Variants in TVP23A observed in about 807,000 individuals in gnomAD.
The protein encoded by TVP23A is trans-golgi network vesicle protein 23 homolog A.
In TVP23A, 21 loss-of-function variants were observed where a neutral mutation model predicts 31.7. The observed-to-expected ratio is 0.66, with a 90% confidence interval of 0.47 to 0.95. The LOEUF (loss-of-function observed/expected upper bound fraction) is 0.95. TVP23A is among the 40% of genes least tolerant of loss of function. The pLI is 0.00. For missense variants in TVP23A, 279 were observed against 255.6 expected (o/e 1.09, Z -0.62); for synonymous variants, 104 against 96.0 (o/e 1.08, Z -0.49).
intron 2 of TVP23A, among the ~76,000 whole-genome samples, chr16:10,783,291 T>C (rs1020990839): frequency 6.6e-6 from 1 of 152,212 alleles, no homozygotes; most frequent in South Asian, 2.1e-4. Flanking sequence ...TTTACCGAAG[T>C]GAGCTGAAAA....
In TVP23A at chr16:10,818,157, A is replaced by G. The variant is rs368680427; in HGVS notation, c.35T>C (p.Val12Ala). ...CTCCTCGTTTCCAAAGTCCAGGGACACATCCTCGGTATCGTCCACCAGGGC... is the reference window on the plus strand; with the variant it reads ...CTCCTCGTTTCCAAAGTCCAGGGACGCATCCTCGGTATCGTCCACCAGGGC... ...KQALVDDTEDVSLDFGNEEEL... is the reference protein window; with the variant it reads ...KQALVDDTEDASLDFGNEEEL... Residue 12 changes from valine to alanine, a missense_variant, in exon 2 of 8, where the codon GTG becomes GCG. Coordinates refer to ENST00000299866, the MANE Select transcript of TVP23A (RefSeq NM_001079512.4). The surrounding 1 kb of genome is among the most constrained non-coding windows in gnomAD (Gnocchi z 4.7). 8.1e-6 allele frequency: 13 copies of G among 1,608,286 alleles called. No homozygotes were observed. In the African/African-American group the frequency reaches 1.6e-4, roughly 20 times the overall value.
At chr16:10,810,034 T>C (rs771663936) in intron 2 of TVP23A, among the ~76,000 whole-genome samples, 3 of 152,124 alleles carry the variant, frequency 2.0e-5, no homozygotes, top group Non-Finnish European at 2.9e-5. Flanking sequence ...GTCCACACAA[T>C]GGGTGATTAT....
chr16:10,807,197 T>A lies in TVP23A; in HGVS notation c.89+10906A>T, dbSNP rs78942163. ...AATCAACAAAGAAAAACTAAAAATC[T>A]TCTCCTTAGTGTGTGGGAGCATGAT... On this transcript the variant is annotated intron_variant, in intron 2 of 7. Coordinates refer to ENST00000299866, the MANE Select transcript of TVP23A (RefSeq NM_001079512.4). Among the ~76,000 whole-genome samples the A allele has an allele frequency of 8.9e-4, 136 of 152,272 alleles. 1 individual carries two copies. The highest frequency in any genetic ancestry group is 3.1e-3 in the African/African-American group (127 of 41,566).
chr16:10,816,798 C>T (rs2034458371), intron 2 of TVP23A, among the ~76,000 whole-genome samples: 2 of 151,932 alleles, frequency 1.3e-5, no homozygotes, highest in South Asian at 2.1e-4. Context: ...GGGTGCAGCA[C>T]ACCAACATGG....
Position 10,776,256 on chromosome 16 carries a change from C to T in TVP23A, c.90-1160G>A, listed in dbSNP as rs528923365. 5.3e-5 allele frequency among the ~76,000 whole-genome samples: 8 copies of T among 151,698 alleles called. No homozygotes were observed. In the South Asian group the frequency reaches 1.5e-3, roughly 28 times the overall value. On this transcript the variant is annotated intron_variant, in intron 2 of 7. Transcript: ENST00000299866. Reference sequence around the variant, plus strand: ...TGGGCATGGTGGCGGCTGCCTGTAACCCCAGCTACTCGGAAGGCTGAGGCA... The same window carrying T: ...TGGGCATGGTGGCGGCTGCCTGTAATCCCAGCTACTCGGAAGGCTGAGGCA...
At chr16:10,791,676 T>C (rs1248465270) in intron 2 of TVP23A, among the ~76,000 whole-genome samples, 6 of 152,290 alleles carry the variant, frequency 3.9e-5, no homozygotes, top group African/African-American at 1.4e-4. Flanking sequence ...GGCACAATCT[T>C]GGCTCACTGC....
chr16:10,806,971 G>A (rs1287384949), intron 2 of TVP23A, among the ~76,000 whole-genome samples: 1 of 152,174 alleles, frequency 6.6e-6, no homozygotes, highest in East Asian at 1.9e-4. Context: ...GATTCTGTGG[G>A]TTATTTTCCT....
intron 5 of TVP23A, 58 bp from the exon 6 acceptor site, chr16:10,771,856 T>C: frequency 6.5e-7 from 1 of 1,535,752 alleles, no homozygotes; most frequent in Non-Finnish European, 8.8e-7. Context: ...TTTCGCTCTG[T>C]CGCCCAGGCT....
chr16:10,790,800 C>G (rs191624549), intron 2 of TVP23A, among the ~76,000 whole-genome samples: 101 of 152,212 alleles, frequency 6.6e-4, no homozygotes, highest in African/African-American at 2.3e-3. Context: ...CGGTAAAATA[C>G]TTCAATTTCT....
intron 2 of TVP23A, among the ~76,000 whole-genome samples, chr16:10,811,824 A>T (rs2034214004): frequency 6.6e-6 from 1 of 150,948 alleles, no homozygotes; most frequent in Admixed American, 6.6e-5. Flanking sequence ...GAATGGCGTG[A>T]ACCCGGGAAG....
chr16:10,758,581 A>C (rs1900732293), downstream of TVP23A, among the ~76,000 whole-genome samples: 1 of 152,224 alleles, frequency 6.6e-6, no homozygotes, highest in Non-Finnish European at 1.5e-5. Context: ...TAGTGGGTCA[A>C]GAATGCTTTT....
chr16:10,762,292 C>T (rs146289587), downstream of TVP23A, among the ~76,000 whole-genome samples: 7 of 152,178 alleles, frequency 4.6e-5, no homozygotes, highest in African/African-American at 1.7e-4. Flanking sequence ...CCTTTGTCTC[C>T]AGCACCGGGA....
In TVP23A at chr16:10,818,596, G is replaced by C; in HGVS notation, c.-103C>G. On this transcript the variant is annotated 5_prime_UTR_variant, in exon 1 of 8. Coordinates refer to ENST00000299866, the MANE Select transcript of TVP23A (RefSeq NM_001079512.4). This position sits in a 1 kb window ranked among gnomAD's most constrained non-coding sequence, Gnocchi z 4.7. ...GGGCGGGCGGATGTAGGCAGCAGACGGTGGACGCTGAGGGTCGGGGCCTGC... is the reference window on the plus strand; with the variant it reads ...GGGCGGGCGGATGTAGGCAGCAGACCGTGGACGCTGAGGGTCGGGGCCTGC... 2 of 1,426,244 alleles carry C rather than the reference G, an allele frequency of 1.4e-6. No homozygotes were observed. The highest frequency in any genetic ancestry group is 2.6e-5 in the South Asian group (2 of 76,394). The allele number at this position is 1,426,244 out of a possible 1,614,324, so 88.3% of individuals were successfully genotyped here.
chr16:10,770,907 G>A (rs991741601), intron 6 of TVP23A, among the ~76,000 whole-genome samples: 6 of 135,026 alleles, frequency 4.4e-5, no homozygotes, highest in East Asian at 2.0e-4. Context: ...TTGAAAAACC[G>A]TTTGTGACTC....
chr16:10,782,362 C>A (rs761462646), intron 2 of TVP23A, among the ~76,000 whole-genome samples: 1 of 152,164 alleles, frequency 6.6e-6, no homozygotes, highest in Non-Finnish European at 1.5e-5. Context: ...CTGCCCCTTG[C>A]TCCTTTGAAA....
intron 2 of TVP23A, among the ~76,000 whole-genome samples, chr16:10,797,035 AAAC>A (rs1329403021): frequency 6.8e-5 from 10 of 146,096 alleles, no homozygotes; most frequent in Admixed American, 6.6e-4. Flanking sequence ...ACAAAAAATC[AAAC>A]AATTAGCCAG....
Position 10,761,670 on chromosome 16 carries a change from T to A in TVP23A, c.*207-102A>T, listed in dbSNP as rs545110621. 5.1e-6 allele frequency: 6 copies of A among 1,170,154 alleles called. No individual in the cohort carries two copies. In the South Asian group the frequency reaches 7.4e-5, roughly 14 times the overall value. The allele number at this position is 1,170,154 out of a possible 1,614,324, so 72.5% of individuals were successfully genotyped here. A position where few individuals can be genotyped will look rare whatever the true frequency, so the allele number is the denominator to read the frequency against. On this transcript the variant is annotated intron_variant and NMD_transcript_variant, in intron 8 of 8. Transcript: ENST00000456096. ...TTCCACATTCAAACTAAGCCTTTTTTTTTTTTTTAAGTTTCTTTAAAATGT... is the reference window on the plus strand; with the variant it reads ...TTCCACATTCAAACTAAGCCTTTTTATTTTTTTTAAGTTTCTTTAAAATGT...
chr16:10,806,658 C>G (rs983034332), intron 2 of TVP23A, among the ~76,000 whole-genome samples: 2 of 152,086 alleles, frequency 1.3e-5, no homozygotes, highest in East Asian at 3.9e-4. Flanking sequence ...CCTGCCATCA[C>G]GTCCAGCTGA....
chr16:10,761,174 T>G, downstream of TVP23A: 10 of 499,048 alleles, frequency 2.0e-5, no homozygotes, highest in African/African-American at 2.0e-5. Context: ...CCTGTAGGGA[T>G]GTAGGGATGA....
Sources: allele counts gnomAD v4.1 joint callset (sites outside exome capture counted in the v4.1 genomes callset), GRCh38; gene constraint gnomAD v4.1.1; non-coding constraint Gnocchi (gnomAD v3.1); transcripts MANE v1.5; gene names NCBI Gene and HGNC (gene_info 2026-07-23, HGNC 2026-07-21).